Variants in AGBL4 observed in about 807,000 individuals in gnomAD.
The protein encoded by AGBL4 is AGBL carboxypeptidase 4, also known as cytosolic carboxypeptidase 6.
AGBL4 carries 58 observed loss-of-function variants against 66.4 expected under a neutral mutation model. That is an observed-to-expected ratio of 0.87 (90% CI 0.71 to 1.09). The LOEUF (loss-of-function observed/expected upper bound fraction) is 1.09. Ranked by LOEUF, AGBL4 falls within the 50% of genes least tolerant of loss-of-function variation. The pLI is 0.00. For synonymous variants in AGBL4, 234 were observed against 222.9 expected (o/e 1.05, Z -0.44); for missense variants, 579 against 631.0 (o/e 0.92, Z 0.88).
At chr1:48,715,679 T>G (rs1367783921) in intron 6 of AGBL4, among the ~76,000 whole-genome samples, 1 of 106,922 alleles carries the variant, frequency 9.4e-6, no homozygotes, top group Non-Finnish European at 1.9e-5. Context: ...ACAAATGCCT[T>G]TAACACAGTG....
At chr1:49,729,515 A>G (rs191473226) in intron 2 of AGBL4, among the ~76,000 whole-genome samples, 2 of 152,286 alleles carry the variant, frequency 1.3e-5, no homozygotes, top group African/African-American at 4.8e-5. Context: ...AAAATCAAGG[A>G]GGCAATTTTT....
At chr1:49,451,795 C>T (rs768840692) in intron 3 of AGBL4, among the ~76,000 whole-genome samples, 5 of 151,868 alleles carry the variant, frequency 3.3e-5, no homozygotes, top group Non-Finnish European at 5.9e-5. Context: ...TGGTACAGAA[C>T]AGGTGTTCAA....
At chr1:49,144,555 A>ACACG (rs1399970029) in intron 4 of AGBL4, among the ~76,000 whole-genome samples, 13 of 151,038 alleles carry the variant, frequency 8.6e-5, no homozygotes, top group Admixed American at 8.6e-4. Context: ...ACACACACAC[A>ACACG]CTCAAACACA....
At chr1:49,181,812 G>A (rs904976125) in intron 4 of AGBL4, among the ~76,000 whole-genome samples, 1 of 152,206 alleles carries the variant, frequency 6.6e-6, no homozygotes, top group Non-Finnish European at 1.5e-5. Flanking sequence ...CCCTGGGTCA[G>A]TGCCATCATA....
At chr1:49,572,343 G>C (rs909588962) in intron 3 of AGBL4, among the ~76,000 whole-genome samples, 4 of 152,120 alleles carry the variant, frequency 2.6e-5, no homozygotes, top group Non-Finnish European at 5.9e-5. Flanking sequence ...AGATTTTCCA[G>C]TTCATGACAT....
At chr1:49,452,963 C>G (rs1646311117) in intron 3 of AGBL4, among the ~76,000 whole-genome samples, 1 of 151,866 alleles carries the variant, frequency 6.6e-6, no homozygotes, top group African/African-American at 2.4e-5. Flanking sequence ...CTAATATAGT[C>G]AGGCACATAG....
At chr1:49,486,141 G>C (rs551157375) in intron 3 of AGBL4, among the ~76,000 whole-genome samples, 2 of 151,892 alleles carry the variant, frequency 1.3e-5, no homozygotes, top group Non-Finnish European at 2.9e-5. Flanking sequence ...TCAGACCCCA[G>C]AGTCTGTCTA....
intron 9 of AGBL4, among the ~76,000 whole-genome samples, chr1:48,620,630 G>A (rs1247771502): frequency 6.6e-6 from 1 of 152,114 alleles, no homozygotes; most frequent in African/African-American, 2.4e-5. Context: ...TTTTTAAAAT[G>A]CTTAAGTTTA....
At chr1:49,424,914 T>A (rs1457672098) in intron 3 of AGBL4, among the ~76,000 whole-genome samples, 1 of 152,202 alleles carries the variant, frequency 6.6e-6, no homozygotes, top group South Asian at 2.1e-4. Context: ...GAAATGAAGA[T>A]CTGGCCCCAG....
At chr1:49,769,967 A>G (rs539399335) in intron 2 of AGBL4, among the ~76,000 whole-genome samples, 34 of 152,360 alleles carry the variant, frequency 2.2e-4, no homozygotes, top group African/African-American at 8.2e-4. Flanking sequence ...GACAAGTGGG[A>G]CCTAATTAAA....
intron 4 of AGBL4, among the ~76,000 whole-genome samples, chr1:49,141,659 A>G (rs1287498493): frequency 6.6e-6 from 1 of 152,220 alleles, no homozygotes; most frequent in African/African-American, 2.4e-5. Context: ...AAGAAGGGAA[A>G]GAAAGATAAA....
intron 3 of AGBL4, among the ~76,000 whole-genome samples, chr1:49,397,014 C>T (rs372429207): frequency 6.6e-6 from 1 of 152,092 alleles, no homozygotes. Flanking sequence ...CTAGATCCCT[C>T]GCATGCACAG....
intron 3 of AGBL4, among the ~76,000 whole-genome samples, chr1:49,548,427 T>C (rs1652683041): frequency 6.6e-6 from 1 of 152,190 alleles, no homozygotes; most frequent in South Asian, 2.1e-4. Context: ...ATAGATGACT[T>C]TTATTACATT....
chr1:48,614,079 C>T (rs774683799), intron 9 of AGBL4, among the ~76,000 whole-genome samples: 10 of 152,140 alleles, frequency 6.6e-5, no homozygotes, highest in Non-Finnish European at 1.3e-4. Context: ...TCCAAGGTCA[C>T]CCTCTGATGA....
At chr1:49,137,819 G>T (rs955678721) in intron 4 of AGBL4, among the ~76,000 whole-genome samples, 1 of 151,936 alleles carries the variant, frequency 6.6e-6, no homozygotes, top group African/African-American at 2.4e-5. Flanking sequence ...TTTAAATCAA[G>T]ACCTACAAAA....
At chr1:49,034,637 G>T (rs2149040306) in intron 5 of AGBL4, among the ~76,000 whole-genome samples, 1 of 152,224 alleles carries the variant, frequency 6.6e-6, no homozygotes, top group Middle Eastern at 3.4e-3. Flanking sequence ...CATGGGGGTG[G>T]CTACCCTTAT....
chr1:48,827,936 C>G (rs1646463600), intron 6 of AGBL4, among the ~76,000 whole-genome samples: 1 of 151,024 alleles, frequency 6.6e-6, no homozygotes, highest in Non-Finnish European at 1.5e-5. Context: ...GGGCAGATCA[C>G]GAGGTCAGGA....
intron 3 of AGBL4, chr1:49,266,037 C>G (rs926800015): frequency 2.6e-5 from 4 of 152,032 alleles, no homozygotes; most frequent in African/African-American, 9.7e-5. Context: ...AAAAACGAAT[C>G]CTTATCTATT....
chr1:48,843,489 C>G (rs936495967), intron 6 of AGBL4, among the ~76,000 whole-genome samples: 1 of 151,956 alleles, frequency 6.6e-6, no homozygotes, highest in Non-Finnish European at 1.5e-5. Context: ...TTTTGTATGG[C>G]CCATAAGCTA....
Sources: allele counts gnomAD v4.1 joint callset (sites outside exome capture counted in the v4.1 genomes callset), GRCh38; gene constraint gnomAD v4.1.1; transcripts MANE v1.5; gene names NCBI Gene and HGNC (gene_info 2026-07-23, HGNC 2026-07-21).